The following PLAUR variants were observed in gnomAD, a reference collection of about 807,000 sequenced individuals.
The protein encoded by PLAUR is urokinase plasminogen activator surface receptor.
Under a neutral mutation model 33.4 loss-of-function variants are expected in PLAUR, and 22 were observed. The observed-to-expected ratio is 0.66, with a 90% CI of 0.47 to 0.94. PLAUR has a LOEUF of 0.94. Among genes scored for constraint, PLAUR ranks in the 40% least tolerant of loss-of-function variants. The pLI, the probability that PLAUR is intolerant of heterozygous loss-of-function variation, is 0.00. For missense variants in PLAUR, 408 were observed against 434.7 expected, an observed-to-expected ratio of 0.94 and a Z score of 0.55; for synonymous variants, 148 against 167.3, an observed-to-expected ratio of 0.88 and a Z score of 0.89.
At chr19:43,659,560 C>G (rs1395023016) in intron 3 of PLAUR, among the ~76,000 whole-genome samples, 1 of 152,146 alleles carries the variant, frequency 6.6e-6, no homozygotes, top group Non-Finnish European at 1.5e-5. Context: ...ACAAATCTCT[C>G]TCTAGTCTAG....
chr19:43,668,366 C>T, intron 1 of PLAUR: 2 of 935,458 alleles, frequency 2.1e-6, no homozygotes, highest in South Asian at 4.8e-5. Flanking sequence ...GTTCTAGCCC[C>T]GCCCTTTAGC....
At chr19:43,667,969 C>T (rs1328144566) in intron 1 of PLAUR, 4 of 1,285,930 alleles carry the variant, frequency 3.1e-6, no homozygotes, top group East Asian at 3.6e-5. Context: ...CCTCGTGAGG[C>T]GTATATCCTG....
chr19:43,662,698 C>T (rs573799550), intron 3 of PLAUR, among the ~76,000 whole-genome samples: 1 of 145,556 alleles, frequency 6.9e-6, no homozygotes, highest in African/African-American at 2.6e-5. Context: ...GCTGCTCCCT[C>T]TGCTGGAAAA....
intron 3 of PLAUR, among the ~76,000 whole-genome samples, chr19:43,662,485 C>T (rs890329989): frequency 3.3e-5 from 5 of 152,074 alleles, no homozygotes; most frequent in East Asian, 1.9e-4. Context: ...GCAAAAAGAG[C>T]GAAACTCCAT....
chr19:43,668,823 C>G (rs1344974918), intron 1 of PLAUR, among the ~76,000 whole-genome samples: 1 of 152,020 alleles, frequency 6.6e-6, no homozygotes, highest in Non-Finnish European at 1.5e-5. Flanking sequence ...CCCTCTGGCT[C>G]CGCCTCGAGG....
At chr19:43,668,188 C>G (rs1600146957) in intron 1 of PLAUR, 15 of 987,562 alleles carry the variant, frequency 1.5e-5, no homozygotes, top group Non-Finnish European at 1.8e-5. Context: ...TGGTTCTACC[C>G]GGCTCCAGAG....
At chr19:43,668,288 G>C (rs1967352070) in intron 1 of PLAUR, 1 of 986,348 alleles carries the variant, frequency 1.0e-6, no homozygotes, top group Admixed American at 6.1e-5. Flanking sequence ...CTAGTTTCCC[G>C]CGAAGTTCTG....
rs141239766 is a variant in PLAUR at position 43,655,342 on chromosome 19, G to C, written c.607+97C>G. 2.4e-4 allele frequency: 270 copies of C among 1,106,312 alleles called. No individual in the cohort carries two copies. The East Asian group carries it at 7.3e-3, about 30-fold the overall frequency. The allele number at this position is 1,106,312 out of a possible 1,614,324, so 68.5% of individuals were successfully genotyped here. ...TTTCAGAAAAGCAAACAGAGGCCCA[G>C]AGAGGACTTGATTGCCAGAGAGTGA... On this transcript the variant is annotated intron_variant, in intron 5 of 6. Transcript: ENST00000340093.
At chr19:43,668,239 G>C in intron 1 of PLAUR, 1 of 987,276 alleles carries the variant, frequency 1.0e-6, no homozygotes, top group Admixed American at 6.1e-5. Context: ...TTCTAGGCCC[G>C]GCCCCATCAG....
chr19:43,656,337 G>C, intron 4 of PLAUR, 142 bp downstream of exon 4: 1 of 639,908 alleles, frequency 1.6e-6, no homozygotes, highest in Non-Finnish European at 2.6e-6. Context: ...TTGTGGCCCT[G>C]GACTTCCTAT....
chr19:43,665,675 A>T (rs1301313866), intron 2 of PLAUR, among the ~76,000 whole-genome samples: 1 of 145,588 alleles, frequency 6.9e-6, no homozygotes, highest in African/African-American at 2.6e-5. Flanking sequence ...TTAATTAATT[A>T]ATTTTTTTTT....
intron 5 of PLAUR, among the ~76,000 whole-genome samples, chr19:43,652,736 G>C (rs982539123): frequency 6.6e-6 from 1 of 151,982 alleles, no homozygotes. Flanking sequence ...CTGCAGCCTC[G>C]ACCACCCCGG....
At chr19:43,665,484 C>T (rs1337129083) in intron 2 of PLAUR, 25 bp from the exon 3 acceptor site, 5 of 1,610,918 alleles carry the variant, frequency 3.1e-6, no homozygotes, top group Non-Finnish European at 4.2e-6. Context: ...TCTTCATTAC[C>T]CCAGAGGCTC....
At chr19:43,668,399 C>T in intron 1 of PLAUR, 2 of 690,780 alleles carry the variant, frequency 2.9e-6, no homozygotes, top group Non-Finnish European at 3.6e-6. Flanking sequence ...TATCTTCCCG[C>T]CCCCTAGCTC....
intron 6 of PLAUR, among the ~76,000 whole-genome samples, chr19:43,651,522 C>T (rs779431563): frequency 7.9e-5 from 12 of 151,784 alleles, no homozygotes; most frequent in Non-Finnish European, 1.5e-4. Context: ...GCAACCTCCT[C>T]CTCCTGGGTT....
chr19:43,668,861 G>C (rs1289098250), intron 1 of PLAUR, among the ~76,000 whole-genome samples: 2 of 148,622 alleles, frequency 1.3e-5, no homozygotes, highest in Non-Finnish European at 3.0e-5. Flanking sequence ...GCTCTTCCTC[G>C]GTCTGTAACC....
Position 43,656,572 on chromosome 19 carries a change from A to C in PLAUR, c.379T>G (p.Cys127Gly), listed in dbSNP as rs774717629. Residue 127 changes from cysteine to glycine, a missense_variant, in exon 4 of 7, where the codon TGT (cysteine) becomes GGT (glycine). By Grantham distance (159) the Cys-to-Gly change is radical. Transcript: ENST00000340093. ...AGGCTCTGGTGCCGGCCCCTCTCAC[A>C]GCTCATGTCTGATGAGCCACAGGAA... is the stretch of plus-strand genomic sequence containing the variant. ...CISCGSSDMS[C>G]ERGRHQSLQC... The C allele has an allele frequency of 3.1e-6, 5 of 1,612,934 alleles. No homozygotes were observed. Among genetic ancestry groups the C allele is most frequent in the Non-Finnish European group, 4.2e-6 (5 of 1,179,320 alleles).
chr19:43,652,183 C>T (rs766613083), intron 6 of PLAUR, 42 bp downstream of exon 6: 5 of 1,605,642 alleles, frequency 3.1e-6, no homozygotes, highest in Admixed American at 3.3e-5. Flanking sequence ...GAACTCTCCA[C>T]CCCCAATAAG....
chr19:43,666,692 C>T (rs989290517), intron 2 of PLAUR, among the ~76,000 whole-genome samples: 7 of 151,806 alleles, frequency 4.6e-5, no homozygotes, highest in African/African-American at 9.7e-5. Flanking sequence ...CTCAGCCTCC[C>T]GAGTAGCTGG....
Sources: allele counts gnomAD v4.1 joint callset (sites outside exome capture counted in the v4.1 genomes callset), GRCh38; gene constraint gnomAD v4.1.1; transcripts MANE v1.5; gene names NCBI Gene and HGNC (gene_info 2026-07-23, HGNC 2026-07-21).